Variants in H6PD observed in about 807,000 individuals in gnomAD.
H6PD encodes the protein GDH/6PGL endoplasmic bifunctional protein.
A neutral mutation model predicts 61.2 loss-of-function variants in H6PD; 48 were observed. The observed-to-expected ratio is 0.78, with a 90% confidence interval of 0.62 to 1.00. The LOEUF is 1.00. Among genes scored for constraint, H6PD ranks in the 50% least tolerant of loss-of-function variants. The pLI, the probability that H6PD is intolerant of heterozygous loss-of-function variation, is 0.00. For missense variants in H6PD, 1,093 were observed against 1,065.0 expected, an observed-to-expected ratio of 1.03 and a Z score of -0.37; for synonymous variants, 480 against 457.9, an observed-to-expected ratio of 1.05 and a Z score of -0.62.
At chr1:9,247,245 C>A (rs1641209250) in intron 3 of H6PD, among the ~76,000 whole-genome samples, 162 bp downstream of exon 3, 1 of 78 alleles carries the variant, frequency 0.013, no homozygotes, top group South Asian at 0.25. Flanking sequence ...CCCAGGGTGC[C>A]GGCTGCAAAG....
intron 3 of H6PD, among the ~76,000 whole-genome samples, chr1:9,247,782 CT>C (rs1641231213): frequency 2.0e-5 from 3 of 152,198 alleles, no homozygotes; most frequent in African/African-American, 7.2e-5. Flanking sequence ...CAGCATGTCA[CT>C]CCTTGCAGCT....
At position 9,266,935 on chromosome 1, in the gene H6PD, C is replaced by G. The variant is rs932665124; in HGVS notation, c.*2066C>G. ...TCCCGGGTTCAGGCAATTCTCGTGC[C>G]TAAGCCTCCCGAGTAGCTGCGACTA... On this transcript the variant is annotated 3_prime_UTR_variant, in exon 5 of 5. Transcript: ENST00000377403. The G allele has an allele frequency of 6.6e-6, 1 of 152,200 alleles. No individual in the cohort carries two copies. The highest frequency in any genetic ancestry group is 2.4e-5 in the African/African-American group (1 of 41,426). 9.4% of individuals were successfully genotyped at this position (152,200 alleles called of 1,614,324 possible). A position where few individuals can be genotyped will look rare whatever the true frequency, so the allele number is the denominator to read the frequency against.
chr1:9,239,931 C>T (rs948512062), intron 1 of H6PD: 31 of 1,156,224 alleles, frequency 2.7e-5, no homozygotes, highest in Non-Finnish European at 2.8e-5. Context: ...GCCTCTTCCG[C>T]TTGTGTGAGA....
intron 1 of H6PD, among the ~76,000 whole-genome samples, chr1:9,241,713 T>TAATTAGATC (rs1432704969): frequency 6.6e-6 from 1 of 152,174 alleles, no homozygotes; most frequent in Non-Finnish European, 1.5e-5. Context: ...TTAGCTGACT[T>TAATTAGATC]AATTAGATCA....
Position 9,264,154 on chromosome 1 carries a change from C to T in H6PD, c.1661C>T (p.Pro554Leu), listed in dbSNP as rs17368528. 0.12 allele frequency: 191,454 copies of T among 1,612,930 alleles called. 12,345 individuals carry two copies. The highest frequency in any genetic ancestry group is 0.18 in the South Asian group (16,808 of 91,062). ...CTCAGGGCCAAGTACCGAGAGAGCC[C>T]GCTGGTCTCCGCCTGGTCCGAGGAG... ...QVLRAKYRES[P>L]LVSAWSEELI... is the part of the protein sequence containing the mutation. Residue 554 changes from proline (P) to leucine (L), a missense_variant, in exon 5 of 5, where the codon CCG (proline) becomes CTG (leucine). Pro to Leu is a moderately conservative substitution (Grantham distance 98). Coordinates refer to ENST00000377403, the MANE Select transcript of H6PD (RefSeq NM_004285.4).
chr1:9,260,382 GTTGT>G (rs1307958303), intron 3 of H6PD, among the ~76,000 whole-genome samples: 1 of 151,860 alleles, frequency 6.6e-6, no homozygotes, highest in Non-Finnish European at 1.5e-5. Context: ...TTACACCAGT[GTTGT>G]TATGTTGCTG....
chr1:9,237,637 T>C (rs1350344080), intron 1 of H6PD, among the ~76,000 whole-genome samples: 2 of 152,204 alleles, frequency 1.3e-5, no homozygotes, highest in African/African-American at 4.8e-5. Context: ...TTAAATGGTG[T>C]GATGCATGTC....
intron 1 of H6PD, chr1:9,242,805 C>T (rs1641038248): frequency 1.0e-6 from 1 of 985,364 alleles, no homozygotes; most frequent in Non-Finnish European, 1.2e-6. Context: ...TCCTCCTTCT[C>T]CAGGCTGTTC....
At chr1:9,236,979 A>G (rs1570071712) in intron 1 of H6PD, among the ~76,000 whole-genome samples, 2 of 152,162 alleles carry the variant, frequency 1.3e-5, no homozygotes, top group East Asian at 3.9e-4. Flanking sequence ...GGCAAAGCGG[A>G]CCCGGGAGGC....
At chr1:9,252,867 A>G (rs1489200950) in intron 3 of H6PD, among the ~76,000 whole-genome samples, 1 of 152,122 alleles carries the variant, frequency 6.6e-6, no homozygotes, top group Non-Finnish European at 1.5e-5. Flanking sequence ...GGATGTGCAC[A>G]GGTGGGAGCC....
In H6PD at chr1:9,240,619, G is replaced by A. The variant is rs114163548; in HGVS notation, c.-10-4306G>A. Among the ~76,000 whole-genome samples, 648 of 152,250 alleles carry A rather than the reference G, an allele frequency of 4.3e-3. 7 individuals are homozygous for A. Among genetic ancestry groups the A allele is most frequent in the African/African-American group, 0.015 (618 of 41,536 alleles). ...CACACATTCGGGTTCCCAGTGTAAT[G>A]CCCCCTCCCCTTACAGCTGCTCAAA... is the stretch of plus-strand genomic sequence containing the variant. On this transcript the variant is annotated intron_variant, in intron 1 of 4. Transcript: ENST00000377403.
In H6PD at chr1:9,265,121, G is replaced by A. The variant is rs1638512160; in HGVS notation, c.*252G>A. 1 of 584,946 alleles carries A rather than the reference G, an allele frequency of 1.7e-6. No homozygotes were observed. The highest frequency in any genetic ancestry group is 2.9e-5 in the Admixed American group (1 of 34,046). The allele number at this position is 584,946 out of a possible 1,614,324, so 36.2% of individuals were successfully genotyped here. A position where few individuals can be genotyped will look rare whatever the true frequency, so the allele number is the denominator to read the frequency against. Reference sequence around the variant, plus strand: ...CTGAGAAGCTTCAAATTCAGGCCAGGAGAGAAGTCTTAAGAAAAGACCTCC... The same window carrying A: ...CTGAGAAGCTTCAAATTCAGGCCAGAAGAGAAGTCTTAAGAAAAGACCTCC... On this transcript the variant is annotated 3_prime_UTR_variant, in exon 5 of 5. Transcript: ENST00000377403.
Position 9,247,040 on chromosome 1 carries a change from G to A in H6PD, c.702G>A (p.Val234=). ...ACGGCCTCTGGAACCGGCACCATGT[G>A]GAGCGGGTGGAGATCATCATGAAAG... ...ALDGLWNRHH[V]ERVEIIMKET... Residue 234 remains valine, a synonymous_variant, in exon 3 of 5, where the codon GTG becomes GTA. Coordinates refer to ENST00000377403, the MANE Select transcript of H6PD (RefSeq NM_004285.4). 6.2e-7 allele frequency: 1 copy of A among 1,613,936 alleles called. No individual in the cohort carries two copies. Among genetic ancestry groups the A allele is most frequent in the Non-Finnish European group, 8.5e-7 (1 of 1,179,834 alleles).
In H6PD at chr1:9,263,911, T is replaced by G. The variant is rs1487314796; in HGVS notation, c.1418T>G (p.Phe473Cys). 2.5e-6 allele frequency: 4 copies of G among 1,614,026 alleles called. No homozygotes were observed. Among genetic ancestry groups the G allele is most frequent in the Non-Finnish European group, 2.5e-6 (3 of 1,180,036 alleles). The change falls in exon 5 of 5, where the codon TTC (phenylalanine) becomes TGC (cysteine). Residue 473 changes from phenylalanine (F) to cysteine (C), a missense_variant. Physicochemically the swap from Phe to Cys is radical, Grantham distance 205. Coordinates refer to ENST00000377403, the MANE Select transcript of H6PD (RefSeq NM_004285.4). ...SHIFHGRKNFFITTENLLASW... is the reference protein window; with the variant it reads ...SHIFHGRKNFCITTENLLASW... ...ATCTTCCATGGCCGGAAGAATTTCTTCATCACCACAGAGAACTTGCTGGCC... is the reference window on the plus strand; with the variant it reads ...ATCTTCCATGGCCGGAAGAATTTCTGCATCACCACAGAGAACTTGCTGGCC...
At chr1:9,260,092 C>T (rs187374553) in intron 3 of H6PD, among the ~76,000 whole-genome samples, 3 of 151,232 alleles carry the variant, frequency 2.0e-5, no homozygotes, top group East Asian at 2.0e-4. Context: ...GCTGTTGTTA[C>T]GCCGGTGTCG....
intron 1 of H6PD, among the ~76,000 whole-genome samples, chr1:9,241,719 G>C (rs997973346): frequency 6.6e-6 from 1 of 152,174 alleles, no homozygotes; most frequent in African/African-American, 2.4e-5. Context: ...GACTTAATTA[G>C]ATCACGAAGT....
At chr1:9,242,972 G>T in intron 1 of H6PD, 1 of 985,332 alleles carries the variant, frequency 1.0e-6, no homozygotes, top group Non-Finnish European at 1.2e-6. Context: ...CCTGTGGTCC[G>T]TGTGTGTATT....
At chr1:9,244,767 G>A (rs1235655022) in intron 1 of H6PD, among the ~76,000 whole-genome samples, 158 bp from the exon 2 acceptor site, 2 of 152,244 alleles carry the variant, frequency 1.3e-5, no homozygotes, top group Non-Finnish European at 2.9e-5. Flanking sequence ...CAGAAGCCAA[G>A]CTGTCAGGAG....
At position 9,262,190 on chromosome 1, in the gene H6PD, A is replaced by G; in HGVS notation, c.877A>G (p.Lys293Glu). The G allele has an allele frequency of 1.2e-6, 2 of 1,614,234 alleles. No homozygotes were observed. Among genetic ancestry groups the G allele is most frequent in the Non-Finnish European group, 1.7e-6 (2 of 1,180,040 alleles). ...VSSAEAVLRHKLQVFQALRGL... is the reference protein window; with the variant it reads ...VSSAEAVLRHELQVFQALRGL... Reference sequence around the variant, plus strand: ...CAGTGCGGAGGCTGTGCTGCGGCACAAGCTTCAGGTCTTCCAGGCGCTGCG... The same window carrying G: ...CAGTGCGGAGGCTGTGCTGCGGCACGAGCTTCAGGTCTTCCAGGCGCTGCG... Residue 293 changes from lysine (K) to glutamate (E), a missense_variant, in exon 4 of 5, where the codon AAG becomes GAG. Coordinates refer to ENST00000377403, the MANE Select transcript of H6PD (RefSeq NM_004285.4).
Sources: gnomAD v4.1 joint callset for allele counts (sites outside exome capture counted in the v4.1 genomes callset) on GRCh38, gnomAD v4.1.1 for gene constraint, MANE v1.5 for transcripts, NCBI Gene and HGNC (gene_info 2026-07-23, HGNC 2026-07-21) for gene names.